Variants in ZPR1 observed in about 807,000 individuals in gnomAD.
ZPR1 encodes ZPR1 zinc finger.
ZPR1 carries 37 observed loss-of-function variants against 59.6 expected under a neutral mutation model. The ratio of observed to expected loss-of-function variants is 0.62; its 90% CI spans 0.48 to 0.82. The LOEUF (loss-of-function observed/expected upper bound fraction) is 0.82. Among genes scored for constraint, ZPR1 ranks in the 40% least tolerant of loss-of-function variants. ZPR1 has a pLI of 0.00. For synonymous variants in ZPR1, 191 were observed against 215.2 expected, an observed-to-expected ratio of 0.89 and a Z score of 0.99; for missense variants, 527 against 579.9, an observed-to-expected ratio of 0.91 and a Z score of 0.94.
At position 116,777,661 on chromosome 11, in the gene ZPR1, A is replaced by G. The variant is rs1940741577; in HGVS notation, c.*1264T>C. The stretch of plus-strand genomic sequence containing the variant: ...GGCAACAGCGCGAGACTCTGTCTCT[A>G]CCAAAAAAAAAAAAAAAAAAAGTTT... On this transcript the variant is annotated 3_prime_UTR_variant, in exon 14 of 14. Transcript: ENST00000227322. 1.8e-5 allele frequency: 1 copy of G among 55,352 alleles called. No homozygotes were observed. Among genetic ancestry groups the G allele is most frequent in the Admixed American group, 1.6e-4 (1 of 6,340 alleles). The allele number at this position is 55,352 out of a possible 1,614,324, so 3.4% of individuals were successfully genotyped here.
Position 116,787,718 on chromosome 11 carries a change from C to T in ZPR1, c.172-75G>A, listed in dbSNP as rs1219630196. On this transcript the variant is annotated intron_variant, in intron 1 of 13. Transcript: ENST00000227322. Reference sequence around the variant, plus strand: ...CCCCGCCCTACTATCTCCGGGCGCTCCTCGGGGTCCCCGGCCGGGCCCACC... The same window carrying T: ...CCCCGCCCTACTATCTCCGGGCGCTTCTCGGGGTCCCCGGCCGGGCCCACC... 4 of 1,544,284 alleles carry T rather than the reference C, an allele frequency of 2.6e-6. No individual in the cohort carries two copies. In the African/African-American group the frequency reaches 5.4e-5, roughly 21 times the overall value.
chr11:116,787,756 A>C (rs900810712), intron 1 of ZPR1, 64 bp downstream of exon 1: 1 of 1,521,074 alleles, frequency 6.6e-7, no homozygotes, highest in Non-Finnish European at 8.8e-7. Context: ...GCTGGGTCTG[A>C]CCCCCGGCTC....
chr11:116,781,470 T>C (rs971108651), intron 12 of ZPR1, among the ~76,000 whole-genome samples: 3 of 152,248 alleles, frequency 2.0e-5, no homozygotes, highest in South Asian at 2.1e-4. Flanking sequence ...TGGAAGACTA[T>C]AGTACAATGT....
In ZPR1 at chr11:116,787,661, A is replaced by C. The variant is rs1185268245; in HGVS notation, c.172-18T>G. The C allele has an allele frequency of 1.2e-6, 2 of 1,600,912 alleles. No homozygotes were observed. Among genetic ancestry groups the C allele is most frequent in the Non-Finnish European group, 1.7e-6 (2 of 1,169,786 alleles). On this transcript the variant is annotated intron_variant, in intron 1 of 13. Coordinates refer to ENST00000227322, the MANE Select transcript of ZPR1 (RefSeq NM_003904.5). The stretch of plus-strand genomic sequence containing the variant: ...GTCATGCCCTGGTGAAGTAGAAAGT[A>C]GCTAAGGAAAAAAATCAATGAAACT...
chr11:116,780,364 C>A (rs1173178327), intron 12 of ZPR1, among the ~76,000 whole-genome samples: 1 of 150,120 alleles, frequency 6.7e-6, no homozygotes, highest in South Asian at 2.1e-4. Flanking sequence ...CACCCCAGCC[C>A]CCTTCCCACA....
chr11:116,787,453 C>T, intron 2 of ZPR1, 29 bp downstream of exon 2: 1 of 1,604,810 alleles, frequency 6.2e-7, no homozygotes, highest in South Asian at 1.1e-5. Flanking sequence ...CTCTAGAATA[C>T]TGAGGTACCT....
At chr11:116,779,678 A>C in intron 13 of ZPR1, 94 bp downstream of exon 13, 2 of 932,402 alleles carry the variant, frequency 2.1e-6, no homozygotes, top group South Asian at 3.4e-5. Flanking sequence ...CAGTCCATTT[A>C]GAATCAAGTC....
At chr11:116,787,166 C>T in intron 2 of ZPR1, 107 bp from the exon 3 acceptor site, 7 of 986,414 alleles carry the variant, frequency 7.1e-6, no homozygotes, top group Non-Finnish European at 1.1e-5. Flanking sequence ...GCTGTCTCTC[C>T]CTCTCGCCAC....
chr11:116,784,617 C>G, intron 8 of ZPR1, 169 bp from the exon 9 acceptor site: 1 of 817,818 alleles, frequency 1.2e-6, no homozygotes, highest in East Asian at 2.6e-5. Context: ...CAACCCATGG[C>G]AATCCCTGTT....
rs376685487 is a variant in ZPR1, at chr11:116,785,838, G to C, written c.540C>G (p.Val180=). ...ATAERIDEFI[V]KLKELKQVAS... ...CTACTTGCTTTAGCTCCTTCAGTTTGACAATGAACTCATCAATTCTTTCAG... is the reference window on the plus strand; with the variant it reads ...CTACTTGCTTTAGCTCCTTCAGTTTCACAATGAACTCATCAATTCTTTCAG... The change falls in exon 5 of 14, where the codon GTC becomes GTG. Residue 180 remains valine (V), a synonymous_variant. Coordinates refer to ENST00000227322, the MANE Select transcript of ZPR1 (RefSeq NM_003904.5). 6 of 1,614,176 alleles carry C rather than the reference G, an allele frequency of 3.7e-6. No homozygotes were observed. The highest frequency in any genetic ancestry group is 2.2e-5 in the South Asian group (2 of 91,052).
rs1359840862 is a variant in ZPR1, at chr11:116,787,884, C to T, written c.107G>A (p.Ser36Asn). Residue 36 changes from serine (S) to asparagine (N), a missense_variant, in exon 1 of 14, where the codon AGC (serine) becomes AAC (asparagine). By Grantham distance (46) the Ser-to-Asn change is conservative (BLOSUM62 1). Coordinates refer to ENST00000227322, the MANE Select transcript of ZPR1 (RefSeq NM_003904.5). The part of the protein sequence containing the change: ...PAPDHLFRPI[S>N]AEDEEQQPTE... The stretch of plus-strand genomic sequence containing the variant: ...GGGCTGCTGCTCCTCGTCCTCGGCG[C>T]TGATGGGCCGGAACAGGTGATCAGG... The T allele has an allele frequency of 3.2e-6, 5 of 1,549,878 alleles. No homozygotes were observed. Among genetic ancestry groups the T allele is most frequent in the African/African-American group, 1.4e-5 (1 of 73,130 alleles).
chr11:116,778,978 G>T lies in ZPR1; in HGVS notation c.1327C>A (p.Leu443Ile). The change falls in exon 14 of 14, where the codon CTC becomes ATC. Residue 443 changes from leucine to isoleucine, a missense_variant. Leu to Ile is a conservative substitution (Grantham distance 5, BLOSUM62 2). Transcript: ENST00000227322. ...RTFDQNEELG[L>I]NDMKTEGYEA... ...TAGCCCTCTGTCTTCATGTCATTGAGCCCTAGCTCCTCATTTTGGTCAAAG... is the reference window on the plus strand; with the variant it reads ...TAGCCCTCTGTCTTCATGTCATTGATCCCTAGCTCCTCATTTTGGTCAAAG... 1 of 1,614,164 alleles carries T rather than the reference G, an allele frequency of 6.2e-7. No homozygotes were observed. Among genetic ancestry groups the T allele is most frequent in the Non-Finnish European group, 8.5e-7 (1 of 1,180,024 alleles).
chr11:116,787,445 C>T, intron 2 of ZPR1, 37 bp downstream of exon 2: 1 of 1,600,420 alleles, frequency 6.2e-7, no homozygotes, highest in Non-Finnish European at 8.5e-7. Context: ...GAATCTCTCT[C>T]TAGAATACTG....
chr11:116,779,112 C>G (rs1354766181), intron 13 of ZPR1, 53 bp from the exon 14 acceptor site: 17 of 1,597,068 alleles, frequency 1.1e-5, no homozygotes, highest in Non-Finnish European at 1.4e-5. Context: ...CCCCTCTCTG[C>G]AGGCAGCTTC....
rs1485650805 is a variant in ZPR1, at chr11:116,775,441, GAGCA to G, written c.*3480_*3483del. 3 of 141,132 alleles carry G rather than the reference GAGCA, an allele frequency of 2.1e-5. No individual in the cohort carries two copies. Among genetic ancestry groups the G allele is most frequent in the African/African-American group, 8.1e-5 (3 of 36,960 alleles). The allele number at this position is 141,132 out of a possible 1,614,324, so 8.7% of individuals were successfully genotyped here. On this transcript the variant is annotated 3_prime_UTR_variant, in exon 14 of 14. Transcript: ENST00000227322. ...CCACTGCACTCCATCCTGGGTGACA[GAGCA>G]AGACTGTCTCCAAAAAAAAAAAAAA...
Position 116,780,437 on chromosome 11 carries a change from A to G in ZPR1, c.1180-600T>C, listed in dbSNP as rs1005405489. 2.0e-5 allele frequency among the ~76,000 whole-genome samples: 3 copies of G among 150,976 alleles called. No individual in the cohort carries two copies. In the East Asian group the frequency reaches 6.0e-4, roughly 30 times the overall value. On this transcript the variant is annotated intron_variant, in intron 12 of 13. Transcript: ENST00000227322. ...GCCAGGAAATGGAGCAGCCACAGTC[A>G]TTTAACCTCCTTGTTCTTGAGTCCT...
chr11:116,778,612 G>A lies in ZPR1; in HGVS notation c.*313C>T, dbSNP rs1380895784. On this transcript the variant is annotated 3_prime_UTR_variant, in exon 14 of 14. Transcript: ENST00000227322. ...CCAACTTCAGAGTTCCAACCTTAGA[G>A]GATAGAGCATTATGTGGAAGGAGGG... is the stretch of plus-strand genomic sequence containing the variant. 17 of 286,310 alleles carry A rather than the reference G, an allele frequency of 5.9e-5. No individual in the cohort carries two copies. In the East Asian group the frequency reaches 1.2e-3, roughly 21 times the overall value. The allele number at this position is 286,310 out of a possible 1,614,324, so 17.7% of individuals were successfully genotyped here.
intron 3 of ZPR1, 127 bp from the exon 4 acceptor site, chr11:116,786,708 C>G: frequency 3.7e-6 from 3 of 819,444 alleles, no homozygotes; most frequent in Non-Finnish European, 6.1e-6. Context: ...ATGAGAAGGC[C>G]AGGTGCAAGG....
rs780545872 is a variant in ZPR1 at position 116,785,797 on chromosome 11, A to G, written c.581T>C (p.Leu194Pro). The G allele has an allele frequency of 3.7e-6, 6 of 1,613,818 alleles. No homozygotes were observed. The highest frequency in any genetic ancestry group is 8.5e-7 in the Non-Finnish European group (1 of 1,179,786). Residue 194 changes from leucine to proline, a missense_variant and splice_region_variant, in exon 5 of 14, where the codon CTG becomes CCG. By Grantham distance (98) the Leu-to-Pro change is moderately conservative. Coordinates refer to ENST00000227322, the MANE Select transcript of ZPR1 (RefSeq NM_003904.5). ...CAACTCCAGCCTCTCAATACTCACCAGAGTGAAAGGGGAGGCTACTTGCTT... is the reference window on the plus strand; with the variant it reads ...CAACTCCAGCCTCTCAATACTCACCGGAGTGAAAGGGGAGGCTACTTGCTT... ...ELKQVASPFT[L>P]IIDDPSGNSF...
Sources: gnomAD v4.1 joint callset for allele counts (sites outside exome capture counted in the v4.1 genomes callset) on GRCh38, gnomAD v4.1.1 for gene constraint, MANE v1.5 for transcripts, NCBI Gene and HGNC (gene_info 2026-07-23, HGNC 2026-07-21) for gene names.